TRABD2B: variants seen among roughly 807,000 people sequenced by gnomAD.
TRABD2B encodes the protein metalloprotease TIKI2.
Under a neutral mutation model 40.1 loss-of-function variants are expected in TRABD2B, and 14 were observed. The observed-to-expected ratio is 0.35, with a 90% CI of 0.23 to 0.55. TRABD2B has a LOEUF of 0.55. Among genes scored for constraint, TRABD2B ranks in the 20% least tolerant of loss-of-function variants. The probability of loss-of-function intolerance (pLI) is 0.90; values close to 1 mark genes in which losing one functional copy is unlikely to be tolerated. For synonymous variants in TRABD2B, 263 were observed against 277.0 expected, an observed-to-expected ratio of 0.95 and a Z score of 0.50; for missense variants, 541 against 648.6, an observed-to-expected ratio of 0.83 and a Z score of 1.80.
intron 2 of TRABD2B, among the ~76,000 whole-genome samples, chr1:47,926,503 T>G (rs1644971175): frequency 6.6e-6 from 1 of 152,156 alleles, no homozygotes; most frequent in African/African-American, 2.4e-5. Context: ...CTCTCCCACT[T>G]TGCAGGACTG....
At chr1:47,895,108 C>A (rs1022714208) in intron 2 of TRABD2B, among the ~76,000 whole-genome samples, 1 of 152,282 alleles carries the variant, frequency 6.6e-6, no homozygotes, top group South Asian at 2.1e-4. Context: ...CTGCCTCACC[C>A]CAAGGATATA....
chr1:47,950,355 A>C (rs967213550), intron 2 of TRABD2B, among the ~76,000 whole-genome samples: 2 of 152,220 alleles, frequency 1.3e-5, no homozygotes, highest in Non-Finnish European at 2.9e-5. Flanking sequence ...GGGCAGCAGG[A>C]AATCATGCAA....
At chr1:47,993,231 C>G (rs150353035) in intron 2 of TRABD2B, among the ~76,000 whole-genome samples, 2 of 152,266 alleles carry the variant, frequency 1.3e-5, no homozygotes, top group East Asian at 3.9e-4. Flanking sequence ...CTCATTGTTC[C>G]CAGGGTCTCA....
At position 47,990,769 on chromosome 1, in the gene TRABD2B, TTTTA is replaced by T. The variant is rs1290456482; in HGVS notation, c.666+3261_666+3264del. Among the ~76,000 whole-genome samples the T allele has an allele frequency of 3.9e-4, 25 of 64,282 alleles. 6 individuals carry two copies. Among genetic ancestry groups the T allele is most frequent in the East Asian group, 9.4e-4 (2 of 2,136 alleles). The allele number at this position is 64,282 out of a possible 152,430, so 42.2% of individuals were successfully genotyped here. The stretch of plus-strand genomic sequence containing the variant: ...CAAGTTGTTGGTTTTAAAACGTTGG[TTTTA>T]TATATATATATATATATATATATAT... On this transcript the variant is annotated intron_variant, in intron 2 of 6. Coordinates refer to ENST00000606738, the MANE Select transcript of TRABD2B (RefSeq NM_001194986.2).
intron 2 of TRABD2B, among the ~76,000 whole-genome samples, chr1:47,914,153 G>A (rs919802800): frequency 7.5e-4 from 114 of 152,332 alleles, no homozygotes; most frequent in African/African-American, 2.5e-3. Context: ...ATCCACCTTT[G>A]AAATCAATTC....
chr1:47,805,129 G>A (rs1419449307), intron 2 of TRABD2B, among the ~76,000 whole-genome samples: 1 of 152,112 alleles, frequency 6.6e-6, no homozygotes, highest in Non-Finnish European at 1.5e-5. Context: ...ATGAGCTGTG[G>A]GCAGAGTGGA....
chr1:47,877,390 T>C (rs1399912970), intron 2 of TRABD2B, among the ~76,000 whole-genome samples: 1 of 152,104 alleles, frequency 6.6e-6, no homozygotes, highest in Non-Finnish European at 1.5e-5. Flanking sequence ...CAGCTTCAAA[T>C]GGCAAAGGCT....
At chr1:47,845,352 C>A (rs568425328) in intron 2 of TRABD2B, among the ~76,000 whole-genome samples, 1 of 152,282 alleles carries the variant, frequency 6.6e-6, no homozygotes, top group African/African-American at 2.4e-5. Flanking sequence ...ATAATAACAA[C>A]AAAAATAGTG....
intron 6 of TRABD2B, among the ~76,000 whole-genome samples, chr1:47,769,833 T>C (rs930583852): frequency 1.4e-4 from 21 of 152,146 alleles, no homozygotes; most frequent in Admixed American, 9.8e-4. Context: ...CTGTGTGACT[T>C]TGGCAAGTGC....
intron 2 of TRABD2B, among the ~76,000 whole-genome samples, chr1:47,947,037 C>A (rs1452958195): frequency 6.6e-6 from 1 of 152,054 alleles, no homozygotes; most frequent in East Asian, 1.9e-4. Flanking sequence ...CATATGAACA[C>A]CAAACCTTTG....
chr1:47,833,360 T>A (rs1645275243), intron 2 of TRABD2B, among the ~76,000 whole-genome samples: 1 of 152,230 alleles, frequency 6.6e-6, no homozygotes, highest in Non-Finnish European at 1.5e-5. Context: ...GCTGAGCAGG[T>A]CAAAAGGTGC....
intron 2 of TRABD2B, among the ~76,000 whole-genome samples, chr1:47,966,392 T>C (rs888904506): frequency 2.7e-4 from 41 of 152,146 alleles, no homozygotes; most frequent in Non-Finnish European, 1.5e-4. Flanking sequence ...AAGGTGAATA[T>C]CTCACCTGAG....
chr1:47,926,322 C>T (rs560474273), intron 2 of TRABD2B, among the ~76,000 whole-genome samples: 1 of 152,322 alleles, frequency 6.6e-6, no homozygotes, highest in South Asian at 2.1e-4. Context: ...TACAGCAGCA[C>T]GGCTCCAATA....
chr1:47,993,604 A>C (rs1392796276), intron 2 of TRABD2B, among the ~76,000 whole-genome samples: 1 of 152,062 alleles, frequency 6.6e-6, no homozygotes, highest in African/African-American at 2.4e-5. Context: ...CAGCCCTGGG[A>C]GCCATGCCTT....
intron 2 of TRABD2B, among the ~76,000 whole-genome samples, chr1:47,958,791 T>C (rs890651202): frequency 1.3e-5 from 2 of 152,118 alleles, no homozygotes; most frequent in African/African-American, 2.4e-5. Flanking sequence ...CTGTCAACAT[T>C]AGTCAGATCA....
chr1:47,823,959 T>C (rs1006564835), intron 2 of TRABD2B, among the ~76,000 whole-genome samples: 2 of 152,172 alleles, frequency 1.3e-5, no homozygotes, highest in Non-Finnish European at 1.5e-5. Context: ...TTTGGAAGGT[T>C]GTAGGTGCCT....
chr1:47,839,618 C>G (rs1001664889), intron 2 of TRABD2B, among the ~76,000 whole-genome samples: 50 of 152,264 alleles, frequency 3.3e-4, no homozygotes, highest in African/African-American at 1.2e-3. Flanking sequence ...ATGGGAAGGG[C>G]AGAGAGAGAA....
chr1:47,835,811 T>C (rs1370233116), intron 2 of TRABD2B, among the ~76,000 whole-genome samples: 5 of 152,174 alleles, frequency 3.3e-5, no homozygotes, highest in Non-Finnish European at 5.9e-5. Flanking sequence ...GACAGCGACA[T>C]AAACCCAGGA....
chr1:47,993,831 C>A (rs1043247236), intron 2 of TRABD2B, among the ~76,000 whole-genome samples: 1 of 152,312 alleles, frequency 6.6e-6, no homozygotes, highest in African/African-American at 2.4e-5. Flanking sequence ...CAGACTCTTA[C>A]CCCAAATTCC....
Sources: allele counts gnomAD v4.1 joint callset (sites outside exome capture counted in the v4.1 genomes callset), GRCh38; gene constraint gnomAD v4.1.1; transcripts MANE v1.5; gene names NCBI Gene and HGNC (gene_info 2026-07-23, HGNC 2026-07-21).